The following RAP1GAP2 variants were observed in gnomAD, a reference collection of about 807,000 sequenced individuals.
RAP1GAP2 encodes RAP1 GTPase activating protein 2.
RAP1GAP2 carries 27 observed loss-of-function variants against 95.0 expected under a neutral mutation model. The observed-to-expected ratio is 0.28, with a 90% confidence interval of 0.21 to 0.39. RAP1GAP2 has a LOEUF of 0.39. RAP1GAP2 is among the 10% of genes least tolerant of loss of function. RAP1GAP2 has a pLI of 1.00. For synonymous variants in RAP1GAP2, 373 were observed against 380.9 expected, an observed-to-expected ratio of 0.98 and a Z score of 0.24; for missense variants, 771 against 970.0, an observed-to-expected ratio of 0.79 and a Z score of 2.72.
intron 16 of RAP1GAP2, among the ~76,000 whole-genome samples, chr17:3,007,645 C>G (rs1420620602): frequency 6.6e-6 from 1 of 152,180 alleles, no homozygotes; most frequent in East Asian, 1.9e-4. Context: ...GTGCATGGCT[C>G]TGGACGAACA....
At chr17:2,864,230 A>C (rs2072531950) in intron 2 of RAP1GAP2, among the ~76,000 whole-genome samples, 1 of 152,128 alleles carries the variant, frequency 6.6e-6, no homozygotes, top group Non-Finnish European at 1.5e-5. Context: ...TCATATGGTT[A>C]GGAAGCCTGT....
chr17:2,832,237 A>C (rs2070893510), intron 2 of RAP1GAP2, among the ~76,000 whole-genome samples: 2 of 145,660 alleles, frequency 1.4e-5, no homozygotes, highest in Non-Finnish European at 3.0e-5. Flanking sequence ...AACCCAAATC[A>C]TTTTCCTTAA....
chr17:2,950,840 A>T (rs2043898946), intron 3 of RAP1GAP2, among the ~76,000 whole-genome samples: 1 of 151,562 alleles, frequency 6.6e-6, no homozygotes, highest in African/African-American at 2.4e-5. Flanking sequence ...TGAACTCCTG[A>T]CCTCAAGTGA....
intron 2 of RAP1GAP2, among the ~76,000 whole-genome samples, chr17:2,830,957 C>CCCTT (rs2070808807): frequency 8.2e-6 from 1 of 121,400 alleles, no homozygotes; most frequent in Non-Finnish European, 1.8e-5. Flanking sequence ...CCCTTCCCCT[C>CCCTT]CCCTCCCCTT....
intron 14 of RAP1GAP2, among the ~76,000 whole-genome samples, chr17:3,002,460 A>G (rs1224009174): frequency 1.3e-5 from 2 of 152,186 alleles, no homozygotes; most frequent in African/African-American, 2.4e-5. Context: ...GGCACTCCCC[A>G]AAGCGCTGTC....
rs1157930457 is a variant in RAP1GAP2, at chr17:2,906,597, G to T, written c.165+1229G>T. On this transcript the variant is annotated intron_variant, in intron 3 of 24. Transcript: ENST00000254695. This position sits in a 1 kb window ranked among gnomAD's most constrained non-coding sequence, Gnocchi z 4.3. ...AGTGCCTGCCCCAGCACCCAGCTCA[G>T]TGTTGGTATCTGAGCCGGGTGCTGG... Among the ~76,000 whole-genome samples, 1 of 152,050 alleles carries T rather than the reference G, an allele frequency of 6.6e-6. No individual in the cohort carries two copies. Among genetic ancestry groups the T allele is most frequent in the Non-Finnish European group, 1.5e-5 (1 of 68,002 alleles).
intron 5 of RAP1GAP2, 88 bp downstream of exon 5, chr17:2,962,802 G>C: frequency 7.8e-7 from 1 of 1,279,496 alleles, no homozygotes; most frequent in East Asian, 2.5e-5. Context: ...GGGATGCTGG[G>C]GTCTTCTGTC....
rs573835802 is a variant in RAP1GAP2 at position 2,923,164 on chromosome 17, C to T, written c.165+17796C>T. Among the ~76,000 whole-genome samples, 10 of 151,774 alleles carry T rather than the reference C, an allele frequency of 6.6e-5. No homozygotes were observed. The East Asian group carries it at 1.9e-3, about 30-fold the overall frequency. ...AAGTGATTCTCCTGCCTCAGCCTCCCGAGCAGCTGGGACTACAGGCACCTG... is the reference window on the plus strand; with the variant it reads ...AAGTGATTCTCCTGCCTCAGCCTCCTGAGCAGCTGGGACTACAGGCACCTG... On this transcript the variant is annotated intron_variant, in intron 3 of 24. Coordinates refer to ENST00000254695, the MANE Select transcript of RAP1GAP2 (RefSeq NM_015085.5).
upstream of RAP1GAP2, among the ~76,000 whole-genome samples, chr17:2,793,823 G>A (rs545400701): frequency 7.3e-4 from 111 of 152,266 alleles, 2 homozygotes; most frequent in South Asian, 0.018. Context: ...TCTTTTGGCC[G>A]GGTGTGGTGG....
intron 2 of RAP1GAP2, among the ~76,000 whole-genome samples, chr17:2,849,449 C>G (rs1460490285): frequency 6.6e-6 from 1 of 152,210 alleles, no homozygotes; most frequent in African/African-American, 2.4e-5. Context: ...GATATGTCTC[C>G]TGGAGCCGGT....
intron 2 of RAP1GAP2, among the ~76,000 whole-genome samples, chr17:2,802,573 C>T (rs1007186497): frequency 1.8e-4 from 27 of 152,146 alleles, no homozygotes; most frequent in Middle Eastern, 3.4e-3. Flanking sequence ...TAGCTGGGCG[C>T]GGTGGCGGGC....
chr17:2,858,722 G>A (rs1242261652), intron 2 of RAP1GAP2, among the ~76,000 whole-genome samples: 1 of 152,072 alleles, frequency 6.6e-6, no homozygotes, highest in East Asian at 1.9e-4. Context: ...ACCAGCCTGG[G>A]CAATATAGTG....
At position 2,796,464 on chromosome 17, in the gene RAP1GAP2, T is replaced by C. The variant is rs1388751809; in HGVS notation, c.-64T>C. On this transcript the variant is annotated 5_prime_UTR_variant, in exon 1 of 25. Transcript: ENST00000254695. The surrounding 1 kb of genome is among the most constrained non-coding windows in gnomAD (Gnocchi z 4.7). ...CTGACCCCGCTGTACCACGGCCCTC[T>C]TGCGGACAGCCCCGGGGACGTCGTT... 2.6e-6 allele frequency: 4 copies of C among 1,540,074 alleles called. No homozygotes were observed. The highest frequency in any genetic ancestry group is 1.2e-5 in the South Asian group (1 of 83,824).
chr17:2,848,956 G>A lies in RAP1GAP2; in HGVS notation c.80+48406G>A, dbSNP rs571086861. Among the ~76,000 whole-genome samples the A allele has an allele frequency of 1.3e-4, 20 of 152,304 alleles. No homozygotes were observed. In the South Asian group the frequency reaches 4.1e-3, roughly 32 times the overall value. On this transcript the variant is annotated intron_variant, in intron 2 of 24. Coordinates refer to ENST00000254695, the MANE Select transcript of RAP1GAP2 (RefSeq NM_015085.5). ...GGCATCCCAGAGACGCAACTGTGCT[G>A]TGGCCCAGCAGGGGGCGCTGATGTA...
At position 3,027,153 on chromosome 17, in the gene RAP1GAP2, C is replaced by G. The variant is rs182619962; in HGVS notation, c.2107+83C>G. The G allele has an allele frequency of 4.1e-4, 594 of 1,460,026 alleles. 3 individuals carry two copies. In the African/African-American group the frequency reaches 7.6e-3, roughly 19 times the overall value. 90.4% of individuals were successfully genotyped at this position (1,460,026 alleles called of 1,614,324 possible). On this transcript the variant is annotated intron_variant, in intron 22 of 24. Transcript: ENST00000254695. This position sits in a 1 kb window ranked among gnomAD's most constrained non-coding sequence, Gnocchi z 5.2. ...CACTGTTAGCAGGGCCCCAGCCACG[C>G]TGAACTGGCCAGTTTTCACCCCTCC...
At chr17:2,945,383 T>C (rs182931535) in intron 3 of RAP1GAP2, among the ~76,000 whole-genome samples, 2 of 152,326 alleles carry the variant, frequency 1.3e-5, no homozygotes, top group African/African-American at 4.8e-5. Flanking sequence ...ATTTTGTGCA[T>C]GTGTGAAATC....
rs547811727 is a variant in RAP1GAP2, at chr17:2,844,285, G to A, written c.80+43735G>A. ...TCTGCCCGCCTCGGCCTCCCAAAGT[G>A]CTGGGATTACAGGCATGAGCCACTG... On this transcript the variant is annotated intron_variant, in intron 2 of 24. Transcript: ENST00000254695. Among the ~76,000 whole-genome samples, 4 of 152,332 alleles carry A rather than the reference G, an allele frequency of 2.6e-5. No homozygotes were observed. In the East Asian group the frequency reaches 7.7e-4, roughly 29 times the overall value.
At position 2,781,607 on chromosome 17, in the gene RAP1GAP2, G is replaced by GGTCTCTGAGCAC. The variant is rs1209875761; in HGVS notation, c.-14+4336_-14+4337insAGCACGTCTCTG. 4.3e-3 allele frequency among the ~76,000 whole-genome samples: 464 copies of GGTCTCTGAGCAC among 108,972 alleles called. 4 individuals are homozygous for GGTCTCTGAGCAC. The highest frequency in any genetic ancestry group is 0.019 in the African/African-American group (430 of 22,636). 71.5% of individuals were successfully genotyped at this position (108,972 alleles called of 152,430 possible). A position where few individuals can be genotyped will look rare whatever the true frequency, so the allele number is the denominator to read the frequency against. On this transcript the variant is annotated intron_variant, in intron 1 of 24. Transcript: ENST00000540393. ...GTGTGGGCACGTCTCTGTGTGTGCA[G>GGTCTCTGAGCAC]GTCTCTGTGTGAGCACGTCTCTGTG...
intron 14 of RAP1GAP2, among the ~76,000 whole-genome samples, chr17:2,999,851 T>G (rs1206953435): frequency 6.6e-6 from 1 of 151,394 alleles, no homozygotes; most frequent in East Asian, 1.9e-4. Flanking sequence ...AGCAACCCCC[T>G]CCTGTTGAGG....
Sources: allele counts gnomAD v4.1 joint callset (sites outside exome capture counted in the v4.1 genomes callset), GRCh38; gene constraint gnomAD v4.1.1; non-coding constraint Gnocchi (gnomAD v3.1); transcripts MANE v1.5; gene names NCBI Gene and HGNC (gene_info 2026-07-23, HGNC 2026-07-21).